Variants in PLN observed in about 807,000 individuals in gnomAD.
PLN encodes the protein phospholamban, also known as cardiac phospholamban.
Under a neutral mutation model 3.9 loss-of-function variants are expected in PLN, and 1 was observed. That is an observed-to-expected ratio of 0.26 (90% CI 0.09 to 1.23). The LOEUF is 1.23. Among genes scored for constraint, PLN ranks in the 50% most tolerant of loss-of-function variants. The pLI is 0.48. For synonymous variants in PLN, 21 were observed against 20.5 expected (o/e 1.02, Z -0.07); for missense variants, 59 against 62.7 (o/e 0.94, Z 0.20).
chr6:118,556,716 C>A (rs1216252050), intron 1 of PLN, among the ~76,000 whole-genome samples: 1 of 152,086 alleles, frequency 6.6e-6, no homozygotes, highest in South Asian at 2.1e-4. Context: ...AATAATATAT[C>A]AACAAATGTT....
rs2356497 is a variant in PLN, at chr6:118,555,376, C to A, written c.-97-3449C>A. Among the ~76,000 whole-genome samples, 4 of 146,898 alleles carry A rather than the reference C, an allele frequency of 2.7e-5. No individual in the cohort carries two copies. The South Asian group carries it at 8.6e-4, about 31-fold the overall frequency. On this transcript the variant is annotated intron_variant, in intron 1 of 1. Coordinates refer to ENST00000357525, the MANE Select transcript of PLN (RefSeq NM_002667.5). The stretch of plus-strand genomic sequence containing the variant: ...CCGGGAGGTGGAGCTTGCAGTGAGC[C>A]GAGATCGTGCCACTGCACTCCAGCC...
intron 1 of PLN, among the ~76,000 whole-genome samples, chr6:118,553,129 C>T (rs1778646637): frequency 6.7e-6 from 1 of 150,202 alleles, no homozygotes; most frequent in Admixed American, 6.7e-5. Context: ...CTAAAAAGAT[C>T]AGATAACATG....
intron 1 of PLN, among the ~76,000 whole-genome samples, chr6:118,557,745 T>G (rs1424460939): frequency 6.6e-6 from 1 of 152,124 alleles, no homozygotes. Flanking sequence ...CGAATAAAAA[T>G]TGGTAAAGTC....
At chr6:118,553,149 C>G (rs1288605247) in intron 1 of PLN, among the ~76,000 whole-genome samples, 1 of 149,892 alleles carries the variant, frequency 6.7e-6, no homozygotes, top group East Asian at 2.0e-4. Context: ...GAAAATAAAA[C>G]TAAACTATTT....
chr6:118,556,711 T>C (rs985436105), intron 1 of PLN, among the ~76,000 whole-genome samples: 1 of 152,164 alleles, frequency 6.6e-6, no homozygotes, highest in Non-Finnish European at 1.5e-5. Flanking sequence ...TTAACAATAA[T>C]ATATCAACAA....
At chr6:118,550,899 T>C (rs937288606) in intron 1 of PLN, among the ~76,000 whole-genome samples, 1 of 151,894 alleles carries the variant, frequency 6.6e-6, no homozygotes, top group Non-Finnish European at 1.5e-5. Flanking sequence ...CTGATCATTT[T>C]CAAAACCAGA....
At chr6:118,555,784 G>C (rs1183871261) in intron 1 of PLN, among the ~76,000 whole-genome samples, 2 of 151,640 alleles carry the variant, frequency 1.3e-5, no homozygotes, top group African/African-American at 4.9e-5. Context: ...ACAGTTTTCT[G>C]CTCCTCTGCC....
At position 118,558,626 on chromosome 6, in the gene PLN, TACACACACACACACAC is replaced by T. The variant is rs371775061; in HGVS notation, c.-97-179_-97-164del. ...ACAGACACATAGAAACACGTGCACA[TACACACACACACACAC>T]ACACACACACACACACACAGAGAGA... On this transcript the variant is annotated intron_variant, in intron 1 of 1. Transcript: ENST00000357525. Among the ~76,000 whole-genome samples the T allele has an allele frequency of 3.0e-3, 331 of 111,666 alleles. 3 individuals are homozygous for T. Among genetic ancestry groups the T allele is most frequent in the African/African-American group, 0.01 (316 of 30,864 alleles). The allele number at this position is 111,666 out of a possible 152,430, so 73.3% of individuals were successfully genotyped here. A position where few individuals can be genotyped will look rare whatever the true frequency, so the allele number is the denominator to read the frequency against.
intron 1 of PLN, among the ~76,000 whole-genome samples, chr6:118,554,653 C>T (rs951092402): frequency 6.6e-6 from 1 of 152,118 alleles, no homozygotes; most frequent in Non-Finnish European, 1.5e-5. Flanking sequence ...TGACAGATAT[C>T]CTCATATAGA....
chr6:118,556,997 AACT>A (rs1374261112), intron 1 of PLN, among the ~76,000 whole-genome samples: 1 of 152,176 alleles, frequency 6.6e-6, no homozygotes, highest in African/African-American at 2.4e-5. Context: ...GCATGATGGA[AACT>A]ACTACTATTA....
chr6:118,554,871 G>A (rs904283771), intron 1 of PLN, among the ~76,000 whole-genome samples: 1 of 152,168 alleles, frequency 6.6e-6, no homozygotes, highest in Non-Finnish European at 1.5e-5. Context: ...AGGGAATGGA[G>A]TATTTATGGA....
chr6:118,549,445 T>C (rs1778406985), intron 1 of PLN, among the ~76,000 whole-genome samples: 1 of 151,862 alleles, frequency 6.6e-6, no homozygotes, highest in Admixed American at 6.6e-5. Context: ...GAAAATTACA[T>C]ATATTTTATT....
chr6:118,549,904 T>G (rs567414788), intron 1 of PLN, among the ~76,000 whole-genome samples: 5 of 151,860 alleles, frequency 3.3e-5, no homozygotes, highest in Non-Finnish European at 7.4e-5. Context: ...TAACAGAAAT[T>G]ACAGTTACAG....
At chr6:118,556,412 G>T (rs978350294) in intron 1 of PLN, among the ~76,000 whole-genome samples, 14 of 152,138 alleles carry the variant, frequency 9.2e-5, no homozygotes, top group African/African-American at 2.9e-4. Context: ...AGCCAAAAAT[G>T]CCCAGTCTAC....
At chr6:118,551,872 C>A (rs1430298165) in intron 1 of PLN, among the ~76,000 whole-genome samples, 1 of 151,956 alleles carries the variant, frequency 6.6e-6, no homozygotes, top group Non-Finnish European at 1.5e-5. Flanking sequence ...GAAAATGACT[C>A]CACTGGAGTG....
chr6:118,549,869 C>A (rs1295661934), intron 1 of PLN, among the ~76,000 whole-genome samples: 2 of 151,698 alleles, frequency 1.3e-5, no homozygotes, highest in East Asian at 3.8e-4. Flanking sequence ...TTAAACTTAC[C>A]CTTAGCTCAC....
At chr6:118,558,621 GCACATACA>G (rs1321466011) in intron 1 of PLN, among the ~76,000 whole-genome samples, 196 bp from the exon 2 acceptor site, 28 of 60,070 alleles carry the variant, frequency 4.7e-4, no homozygotes, top group African/African-American at 1.2e-3. Flanking sequence ...AGAAACACGT[GCACATACA>G]CACACACACA....
intron 1 of PLN, among the ~76,000 whole-genome samples, chr6:118,555,803 T>A (rs1038213162): frequency 1.8e-4 from 28 of 151,694 alleles, no homozygotes; most frequent in African/African-American, 6.8e-4. Context: ...CCTCCTCCCA[T>A]CCTCCCCGCT....
Position 118,559,011 on chromosome 6 carries a change from T to C in PLN, c.90T>C (p.Asn30=), listed in dbSNP as rs868301643. 8 of 1,604,934 alleles carry C rather than the reference T, an allele frequency of 5.0e-6. No homozygotes were observed. In the Middle Eastern group the frequency reaches 1.3e-3, roughly 266 times the overall value. The change falls in exon 2 of 2, where the codon AAT becomes AAC. Residue 30 remains asparagine, a synonymous_variant. Coordinates refer to ENST00000357525, the MANE Select transcript of PLN (RefSeq NM_002667.5). ...AACAAGCACGTCAAAAGCTACAGAA[T>C]CTATTTATCAATTTCTGTCTCATCT... ...MPQQARQKLQ[N]LFINFCLILI...
Sources: allele counts gnomAD v4.1 joint callset (sites outside exome capture counted in the v4.1 genomes callset), GRCh38; gene constraint gnomAD v4.1.1; transcripts MANE v1.5; gene names NCBI Gene and HGNC (gene_info 2026-07-23, HGNC 2026-07-21).